Variants in NF1 observed in about 807,000 individuals in gnomAD.
NF1 encodes the protein neurofibromin.
NF1 carries 122 observed loss-of-function variants against 325.7 expected under a neutral mutation model. The ratio of observed to expected loss-of-function variants is 0.37; its 90% CI spans 0.32 to 0.44. The LOEUF (loss-of-function observed/expected upper bound fraction) is 0.44, where lower values mean the gene tolerates loss of function less well. Among genes scored for constraint, NF1 ranks in the 20% least tolerant of loss-of-function variants. The pLI is 1.00. For missense variants in NF1, 2,140 were observed against 3,415.4 expected (o/e 0.63, Z 9.31); for synonymous variants, 1,091 against 1,186.0 (o/e 0.92, Z 1.65).
chr17:31,185,216 A>G (rs905086370), intron 8 of NF1, among the ~76,000 whole-genome samples: 1 of 152,198 alleles, frequency 6.6e-6, no homozygotes, highest in Non-Finnish European at 1.5e-5. Flanking sequence ...TTCTAGACCT[A>G]TAACCAGACT....
Position 31,180,148 on chromosome 17 carries a change from C to T in NF1, c.587-1274C>T, listed in dbSNP as rs148679288. Reference sequence around the variant, plus strand: ...AAAAAAGTCCAGGACCAGATGGATTCACAGCCAGATTCAGCTAGAGGAGGA... The same window carrying T: ...AAAAAAGTCCAGGACCAGATGGATTTACAGCCAGATTCAGCTAGAGGAGGA... On this transcript the variant is annotated intron_variant, in intron 5 of 57. Coordinates refer to ENST00000358273, the MANE Select transcript of NF1 (RefSeq NM_001042492.3). Among the ~76,000 whole-genome samples, 368 of 152,292 alleles carry T rather than the reference C, an allele frequency of 2.4e-3. 1 individual carries two copies. The highest frequency in any genetic ancestry group is 3.1e-3 in the Non-Finnish European group (212 of 68,004).
At position 31,327,581 on chromosome 17, in the gene NF1, A is replaced by T. The variant is rs1060500280; in HGVS notation, c.5351A>T (p.Tyr1784Phe). 35 of 1,614,088 alleles carry T rather than the reference A, an allele frequency of 2.2e-5. No homozygotes were observed. Among genetic ancestry groups the T allele is most frequent in the Non-Finnish European group, 2.9e-5 (34 of 1,180,038 alleles). Residue 1784 changes from tyrosine to phenylalanine, a missense_variant, in exon 38 of 58, where the codon TAT becomes TTT. Tyr to Phe is a conservative substitution (Grantham distance 22). Coordinates refer to ENST00000358273, the MANE Select transcript of NF1 (RefSeq NM_001042492.3). ...TCAGTCTTTCTAAATGACATTTATT[A>T]TGCTTCGGAAATTGAAGAAATCTGC... ...GQSVFLNDIY[Y>F]ASEIEEICLV...
At chr17:31,114,310 G>A (rs559408188) in intron 1 of NF1, among the ~76,000 whole-genome samples, 93 of 151,932 alleles carry the variant, frequency 6.1e-4, no homozygotes, top group African/African-American at 2.1e-3. Flanking sequence ...AGGCTGAGGC[G>A]GGTGGATCAC....
At chr17:31,290,713 A>G (rs559025253) in intron 36 of NF1, among the ~76,000 whole-genome samples, 2 of 152,280 alleles carry the variant, frequency 1.3e-5, no homozygotes, top group Admixed American at 6.5e-5. Flanking sequence ...CTCTCAAGAA[A>G]AGCTAATATC....
chr17:31,177,910 T>A (rs1428646450), intron 5 of NF1, among the ~76,000 whole-genome samples: 2 of 151,924 alleles, frequency 1.3e-5, no homozygotes, highest in Non-Finnish European at 2.9e-5. Context: ...TACCTGAAAG[T>A]GATGGGGAGG....
chr17:31,246,613 A>G (rs1415086825), intron 29 of NF1, among the ~76,000 whole-genome samples: 2 of 152,196 alleles, frequency 1.3e-5, no homozygotes, highest in Admixed American at 6.5e-5. Flanking sequence ...CACACAACAG[A>G]TAAGTGGTGA....
chr17:31,254,273 C>CAAAAAAAA (rs35958218), intron 31 of NF1: 3 of 75,680 alleles, frequency 4.0e-5, no homozygotes, highest in Non-Finnish European at 5.3e-5. Context: ...CCCTGTCTCA[C>CAAAAAAAA]AAAAAAAAAA....
rs886052807 is a variant in NF1 at position 31,375,357 on chromosome 17, A to C, written c.*1202A>C. ...GCTAGAATTGCATTTAATCACTGTG[A>C]AAAGACTGGTCAGCCTGCATTAGTA... On this transcript the variant is annotated 3_prime_UTR_variant, in exon 58 of 58. Coordinates refer to ENST00000358273, the MANE Select transcript of NF1 (RefSeq NM_001042492.3). 6.9e-5 allele frequency: 16 copies of C among 230,952 alleles called. No homozygotes were observed. Among genetic ancestry groups the C allele is most frequent in the Middle Eastern group, 1.3e-3 (1 of 766 alleles). The allele number at this position is 230,952 out of a possible 1,614,324, so 14.3% of individuals were successfully genotyped here.
Position 31,340,609 on chromosome 17 carries a change from G to T in NF1, c.7026G>T (p.Leu2342=), listed in dbSNP as rs371581213. The change falls in exon 47 of 58, where the codon CTG becomes CTT. Residue 2342 remains leucine, a synonymous_variant. Transcript: ENST00000358273. ...SAGTALLEQN[L]HTLDSLRIFN... ...GTACCGCACTTCTTGAACAAAACCTGCATACTTTAGATAGTCTCCGTATAT... is the reference window on the plus strand; with the variant it reads ...GTACCGCACTTCTTGAACAAAACCTTCATACTTTAGATAGTCTCCGTATAT... 30 of 1,613,964 alleles carry T rather than the reference G, an allele frequency of 1.9e-5. No individual in the cohort carries two copies. Among genetic ancestry groups the T allele is most frequent in the Non-Finnish European group, 2.5e-5 (30 of 1,180,020 alleles).
chr17:31,224,756 T>C (rs1359867378), intron 16 of NF1, among the ~76,000 whole-genome samples: 3 of 152,154 alleles, frequency 2.0e-5, no homozygotes, highest in Non-Finnish European at 4.4e-5. Flanking sequence ...TAAAATCTTA[T>C]GGAAAAAAAA....
At chr17:31,343,320 G>T (rs2069876941) in intron 48 of NF1, among the ~76,000 whole-genome samples, 185 bp downstream of exon 48, 1 of 152,132 alleles carries the variant, frequency 6.6e-6, no homozygotes, top group African/African-American at 2.4e-5. Context: ...TGAGGCAGGA[G>T]GATCACTTGA....
chr17:31,291,325 C>A (rs2068339498), intron 36 of NF1, among the ~76,000 whole-genome samples: 1 of 152,042 alleles, frequency 6.6e-6, no homozygotes, highest in Non-Finnish European at 1.5e-5. Flanking sequence ...TTATACTTCT[C>A]ATTAATATTT....
intron 47 of NF1, among the ~76,000 whole-genome samples, chr17:31,341,851 G>A (rs941960676): frequency 1.3e-5 from 2 of 151,994 alleles, no homozygotes; most frequent in African/African-American, 4.8e-5. Context: ...ATGAAATTAC[G>A]TCCCTTTTGT....
chr17:31,163,569 G>A (rs565291283), intron 4 of NF1, among the ~76,000 whole-genome samples, 193 bp downstream of exon 4: 43 of 152,234 alleles, frequency 2.8e-4, no homozygotes, highest in African/African-American at 1.0e-3. Flanking sequence ...AGAGAAATGA[G>A]TTTGTCTGGG....
At chr17:31,250,990 A>G (rs2067484155) in intron 30 of NF1, 1 of 191,912 alleles carries the variant, frequency 5.2e-6, no homozygotes, top group African/African-American at 2.3e-5. Flanking sequence ...GAGCAGAGAC[A>G]GCATGCTGTG....
chr17:31,265,425 GTTGAC>G, intron 36 of NF1, 86 bp downstream of exon 36: 1 of 966,826 alleles, frequency 1.0e-6, no homozygotes, highest in Non-Finnish European at 1.6e-6. Flanking sequence ...GTTTTTCCCA[GTTGAC>G]TTAACAGGAA....
chr17:31,243,802 A>G (rs1277272777), intron 29 of NF1, among the ~76,000 whole-genome samples: 2 of 151,672 alleles, frequency 1.3e-5, no homozygotes, highest in Non-Finnish European at 2.9e-5. Context: ...TTAGTGCCCT[A>G]CCCCACTGTG....
At chr17:31,134,022 G>GT (rs1056803060) in intron 1 of NF1, among the ~76,000 whole-genome samples, 4 of 151,272 alleles carry the variant, frequency 2.6e-5, no homozygotes, top group East Asian at 3.9e-4. Context: ...TGACTTTTTG[G>GT]TTTTTTTTTA....
At chr17:31,108,268 T>G (rs1197315428) in intron 1 of NF1, among the ~76,000 whole-genome samples, 9 of 36,546 alleles carry the variant, frequency 2.5e-4, no homozygotes, top group African/African-American at 3.7e-4. Flanking sequence ...GAGAGTTTTT[T>G]TTTTTTTTTT....
Sources: gnomAD v4.1 joint callset for allele counts (sites outside exome capture counted in the v4.1 genomes callset) on GRCh38, gnomAD v4.1.1 for gene constraint, MANE v1.5 for transcripts, NCBI Gene and HGNC (gene_info 2026-07-23, HGNC 2026-07-21) for gene names.